USH2A: variants seen among roughly 807,000 people sequenced by gnomAD.
USH2A encodes the protein usherin.
USH2A carries 443 observed loss-of-function variants against 538.9 expected under a neutral mutation model. The ratio of observed to expected loss-of-function variants is 0.82; its 90% CI spans 0.76 to 0.89. The LOEUF (loss-of-function observed/expected upper bound fraction) is 0.89. Ranked by LOEUF, USH2A falls within the 40% of genes least tolerant of loss-of-function variation. The pLI, the probability that USH2A is intolerant of heterozygous loss-of-function variation, is 0.00. For missense variants in USH2A, 6,633 were observed against 6,324.8 expected (o/e 1.05, Z -1.65); for synonymous variants, 2,413 against 2,273.5 (o/e 1.06, Z -1.75).
Position 215,625,784 on chromosome 1 carries a change from C to T in USH2A, c.15606G>A (p.Leu5202=). The T allele has an allele frequency of 1.2e-6, 2 of 1,614,040 alleles. No individual in the cohort carries two copies. Among genetic ancestry groups the T allele is most frequent in the Non-Finnish European group, 1.7e-6 (2 of 1,179,944 alleles). Residue 5202 remains leucine, a synonymous_variant, in exon 72 of 72, where the codon CTG becomes CTA. Coordinates refer to ENST00000307340, the MANE Select transcript of USH2A (RefSeq NM_206933.4). The part of the protein sequence containing the change: ...KERTTFTDTH[L] Reference sequence around the variant, plus strand: ...ACGTCTTCTGGGTTTCCATCCTTTACAGGTGGGTGTCTGTGAATGTGGTGC... The same window carrying T: ...ACGTCTTCTGGGTTTCCATCCTTTATAGGTGGGTGTCTGTGAATGTGGTGC...
At chr1:216,010,937 C>A in intron 32 of USH2A, among the ~76,000 whole-genome samples, 1 of 152,028 alleles carries the variant, frequency 6.6e-6, no homozygotes, top group East Asian at 1.9e-4. Context: ...GGATCATGCG[C>A]CCCTTAACAT....
At chr1:215,678,762 A>G (rs976632775) in intron 62 of USH2A, among the ~76,000 whole-genome samples, 2 of 152,126 alleles carry the variant, frequency 1.3e-5, no homozygotes, top group African/African-American at 4.8e-5. Context: ...GGTCTGTAAC[A>G]TCAGGGAACC....
Position 215,998,936 on chromosome 1 carries a change from T to C in USH2A, c.6608A>G (p.His2203Arg), listed in dbSNP as rs775466300. ...ACCAGGTAAAACGTATTGTAGCATA[T>C]GATCCTGGAAAAGTTCTGTACTGTT... ...IYNSTELFQD[H>R]MLQYVLPGNK... The change falls in exon 34 of 72, where the codon CAT (histidine) becomes CGT (arginine). Residue 2203 changes from histidine to arginine, a missense_variant. Coordinates refer to ENST00000307340, the MANE Select transcript of USH2A (RefSeq NM_206933.4). The C allele has an allele frequency of 1.9e-6, 3 of 1,613,324 alleles. No individual in the cohort carries two copies. Among genetic ancestry groups the C allele is most frequent in the African/African-American group, 2.7e-5 (2 of 74,884 alleles).
At chr1:216,110,712 G>C (rs2032847047) in intron 21 of USH2A, among the ~76,000 whole-genome samples, 1 of 152,146 alleles carries the variant, frequency 6.6e-6, no homozygotes, top group Admixed American at 6.5e-5. Flanking sequence ...GTTGAAATGA[G>C]AGCAAAATGA....
At chr1:216,044,566 T>C (rs968377899) in intron 32 of USH2A, among the ~76,000 whole-genome samples, 3 of 152,158 alleles carry the variant, frequency 2.0e-5, no homozygotes, top group Non-Finnish European at 4.4e-5. Context: ...GTACAGGAGA[T>C]AACAATTATA....
chr1:216,192,568 G>A (rs2034741447), intron 19 of USH2A, among the ~76,000 whole-genome samples: 1 of 151,776 alleles, frequency 6.6e-6, no homozygotes, highest in Non-Finnish European at 1.5e-5. Flanking sequence ...CAGGTGTAGT[G>A]GCACACACCT....
chr1:216,188,509 T>C (rs1043908486), intron 20 of USH2A, among the ~76,000 whole-genome samples: 1 of 151,904 alleles, frequency 6.6e-6, no homozygotes, highest in Non-Finnish European at 1.5e-5. Context: ...GATATAATGT[T>C]ATTGAAAATG....
At chr1:216,067,806 T>C (rs973840576) in intron 30 of USH2A, among the ~76,000 whole-genome samples, 2 of 152,116 alleles carry the variant, frequency 1.3e-5, no homozygotes, top group Admixed American at 6.6e-5. Context: ...TCCAAACGCC[T>C]ATTGGATGCA....
intron 44 of USH2A, among the ~76,000 whole-genome samples, chr1:215,864,348 A>AT (rs1664414427): frequency 6.6e-6 from 1 of 152,096 alleles, no homozygotes; most frequent in South Asian, 2.1e-4. Flanking sequence ...TAAGTGAGGT[A>AT]TTTTTCAAAT....
chr1:216,101,444 T>G (rs937211825), intron 21 of USH2A, among the ~76,000 whole-genome samples: 3 of 152,232 alleles, frequency 2.0e-5, no homozygotes, highest in African/African-American at 7.2e-5. Flanking sequence ...TGACTTGTGT[T>G]GGCCAAAGAA....
At chr1:215,946,335 C>T (rs1251285917) in intron 37 of USH2A, among the ~76,000 whole-genome samples, 2 of 152,098 alleles carry the variant, frequency 1.3e-5, no homozygotes, top group Admixed American at 1.3e-4. Context: ...CAGCATTTAA[C>T]AGTTATATTC....
chr1:216,220,073 T>C (rs1477553277), intron 14 of USH2A, among the ~76,000 whole-genome samples: 2 of 152,150 alleles, frequency 1.3e-5, no homozygotes, highest in Admixed American at 1.3e-4. Flanking sequence ...TAATTATTAC[T>C]GTTGAAACCT....
chr1:216,104,069 G>T (rs1540959), intron 21 of USH2A, among the ~76,000 whole-genome samples: 132,444 of 152,100 alleles, frequency 0.87, 57,793 homozygotes, highest in East Asian at 0.97. Context: ...TTAAAGTTTT[G>T]ATTCTTTTTT....
chr1:215,789,992 G>T lies in USH2A; in HGVS notation c.10182+67C>A, dbSNP rs1661934011. On this transcript the variant is annotated intron_variant, in intron 51 of 71. Transcript: ENST00000307340. ...TTTATATTCCTATTTTAGAAAAATA[G>T]TTATGAACAATGTATTTCTCTTTCC... The T allele has an allele frequency of 4.1e-6, 6 of 1,474,264 alleles. No homozygotes were observed. In the African/African-American group the frequency reaches 5.6e-5, roughly 14 times the overall value. 91.3% of individuals were successfully genotyped at this position (1,474,264 alleles called of 1,614,324 possible).
At chr1:216,410,015 C>T (rs781282736) in intron 3 of USH2A, among the ~76,000 whole-genome samples, 24 of 151,882 alleles carry the variant, frequency 1.6e-4, no homozygotes, top group Non-Finnish European at 2.9e-4. Context: ...AACAAATCTA[C>T]AAGAAAAAAA....
At chr1:215,964,403 C>T (rs1206107425) in intron 37 of USH2A, among the ~76,000 whole-genome samples, 3 of 152,174 alleles carry the variant, frequency 2.0e-5, no homozygotes, top group African/African-American at 4.8e-5. Context: ...CAAATAACCA[C>T]CCTTTTCAAA....
chr1:215,839,383 T>C (rs1663614894), intron 46 of USH2A, among the ~76,000 whole-genome samples: 2 of 152,192 alleles, frequency 1.3e-5, no homozygotes, highest in African/African-American at 4.8e-5. Context: ...AATAATCGTA[T>C]TGATTCCTCA....
chr1:216,415,111 C>T (rs1456619854), intron 3 of USH2A, among the ~76,000 whole-genome samples: 1 of 152,062 alleles, frequency 6.6e-6, no homozygotes, highest in African/African-American at 2.4e-5. Flanking sequence ...CAAGACTGAT[C>T]ATTGGTTAAT....
rs138982765 is a variant in USH2A, at chr1:215,982,841, G to A, written c.6805+10179C>T. Among the ~76,000 whole-genome samples, 117 of 152,276 alleles carry A rather than the reference G, an allele frequency of 7.7e-4. 1 individual carries two copies. Among genetic ancestry groups the A allele is most frequent in the South Asian group, 2.5e-3 (12 of 4,826 alleles). On this transcript the variant is annotated intron_variant, in intron 35 of 71. Coordinates refer to ENST00000307340, the MANE Select transcript of USH2A (RefSeq NM_206933.4). ...AAAGTTTACTTTTTAAAAATCAGAT[G>A]GATAGAAGGAAAACATGGGATAGAG... is the stretch of plus-strand genomic sequence containing the variant.
Sources: allele counts gnomAD v4.1 joint callset (sites outside exome capture counted in the v4.1 genomes callset), GRCh38; gene constraint gnomAD v4.1.1; transcripts MANE v1.5; gene names NCBI Gene and HGNC (gene_info 2026-07-23, HGNC 2026-07-21).